GTF2H1: variants seen among roughly 807,000 people sequenced by gnomAD.
The protein encoded by GTF2H1 is BTF2 p62.
Under a neutral mutation model 71.2 loss-of-function variants are expected in GTF2H1, and 16 were observed. The observed-to-expected ratio is 0.22, with a 90% CI of 0.15 to 0.34. The LOEUF (loss-of-function observed/expected upper bound fraction) is 0.34. Among genes scored for constraint, GTF2H1 ranks in the 10% least tolerant of loss-of-function variants. The pLI is 1.00. For missense variants in GTF2H1, 498 were observed against 648.2 expected, an observed-to-expected ratio of 0.77 and a Z score of 2.52; for synonymous variants, 215 against 219.0, an observed-to-expected ratio of 0.98 and a Z score of 0.16.
At chr11:18,339,716 C>T in intron 5 of GTF2H1, 59 bp downstream of exon 5, 1 of 981,728 alleles carries the variant, frequency 1.0e-6, no homozygotes. Context: ...TATAGTATAT[C>T]AGTGAAAAAC....
intron 14 of GTF2H1, among the ~76,000 whole-genome samples, chr11:18,362,782 C>T (rs1306460793): frequency 4.0e-5 from 6 of 150,462 alleles, no homozygotes; most frequent in African/African-American, 9.8e-5. Context: ...GCGATTCTCC[C>T]GCCTCAGCCT....
chr11:18,345,572 C>T (rs1382012609), intron 7 of GTF2H1, among the ~76,000 whole-genome samples: 1 of 149,984 alleles, frequency 6.7e-6, no homozygotes, highest in African/African-American at 2.5e-5. Context: ...GATCTCAGCT[C>T]ACTGCAATCT....
chr11:18,339,480 T>G (rs1865106249), intron 4 of GTF2H1, 84 bp from the exon 5 acceptor site: 1 of 881,650 alleles, frequency 1.1e-6, no homozygotes, highest in Non-Finnish European at 1.8e-6. Flanking sequence ...AATTTTTTTT[T>G]CCACCTTTGT....
chr11:18,340,741 C>A (rs1350061522), intron 5 of GTF2H1, among the ~76,000 whole-genome samples: 1 of 152,128 alleles, frequency 6.6e-6, no homozygotes, highest in African/African-American at 2.4e-5. Flanking sequence ...GATGAGGAAA[C>A]CAGGGTGCAG....
At chr11:18,349,352 G>A (rs959756074) in intron 9 of GTF2H1, among the ~76,000 whole-genome samples, 42 of 152,198 alleles carry the variant, frequency 2.8e-4, no homozygotes, top group Non-Finnish European at 5.6e-4. Context: ...ATACTGTTGG[G>A]CTGAGTACCC....
intron 1 of GTF2H1, among the ~76,000 whole-genome samples, chr11:18,331,593 G>C (rs908573069): frequency 5.9e-5 from 9 of 152,054 alleles, no homozygotes; most frequent in African/African-American, 2.2e-4. Context: ...TTGAACCCAG[G>C]AGGCGAAGGT....
chr11:18,359,330 C>G (rs1865643407), intron 13 of GTF2H1, among the ~76,000 whole-genome samples: 1 of 152,098 alleles, frequency 6.6e-6, no homozygotes, highest in Non-Finnish European at 1.5e-5. Flanking sequence ...TGTTTGAGCC[C>G]AGGAGTTGGA....
chr11:18,341,759 G>C (rs1010026201), intron 7 of GTF2H1, 152 bp downstream of exon 7: 3 of 532,208 alleles, frequency 5.6e-6, no homozygotes, highest in Non-Finnish European at 9.9e-6. Flanking sequence ...CTTTGAAATA[G>C]CGTTGTTTGC....
chr11:18,334,198 T>C (rs1864968469), intron 2 of GTF2H1, among the ~76,000 whole-genome samples: 1 of 152,102 alleles, frequency 6.6e-6, no homozygotes, highest in African/African-American at 2.4e-5. Flanking sequence ...GCTAACACAA[T>C]GAAACCCCAT....
At chr11:18,329,634 C>G (rs1292552332) in intron 1 of GTF2H1, among the ~76,000 whole-genome samples, 1 of 152,192 alleles carries the variant, frequency 6.6e-6, no homozygotes, top group Non-Finnish European at 1.5e-5. Flanking sequence ...CTTAACCATC[C>G]AACCTCATAT....
chr11:18,326,040 C>G (rs1864756765), intron 1 of GTF2H1: 1 of 152,194 alleles, frequency 6.6e-6, no homozygotes, highest in African/African-American at 2.4e-5. Context: ...TACAGTGATT[C>G]TGTTAAACCT....
intron 11 of GTF2H1, among the ~76,000 whole-genome samples, chr11:18,355,384 C>T (rs1370434775): frequency 1.3e-5 from 2 of 152,012 alleles, no homozygotes; most frequent in Non-Finnish European, 2.9e-5. Context: ...ACCTCGTGAT[C>T]CACCCGCCTC....
chr11:18,335,896 G>A lies in GTF2H1; in HGVS notation c.297G>A (p.Leu99=), dbSNP rs148650783. Residue 99 remains leucine, a synonymous_variant, in exon 3 of 15, where the codon CTG becomes CTA. Transcript: ENST00000265963. ...RDAVKDLLQQ[L]LPKFKRKANK... ...CAGTAAAAGACCTTCTTCAGCAGCT[G>A]CTGCCCAAATTCAAGAGGAAAGCAA... The A allele has an allele frequency of 1.4e-5, 22 of 1,614,170 alleles. No homozygotes were observed. In the African/African-American group the frequency reaches 2.8e-4, roughly 21 times the overall value.
At position 18,347,582 on chromosome 11, in the gene GTF2H1, T is replaced by G; in HGVS notation, c.838-6T>G. 1 of 1,583,686 alleles carries G rather than the reference T, an allele frequency of 6.3e-7. No individual in the cohort carries two copies. The highest frequency in any genetic ancestry group is 8.6e-7 in the Non-Finnish European group (1 of 1,166,862). The stretch of plus-strand genomic sequence containing the variant: ...TAAAAAATTTTTAATCTATTATTTC[T>G]CACAGGGCTATGGCATTTCCTCTGT... On this transcript the variant is annotated splice_polypyrimidine_tract_variant and splice_region_variant and intron_variant, in intron 7 of 14. Coordinates refer to ENST00000265963, the MANE Select transcript of GTF2H1 (RefSeq NM_005316.4).
At chr11:18,334,360 C>T (rs4150572) in intron 2 of GTF2H1, among the ~76,000 whole-genome samples, 21,057 of 152,032 alleles carry the variant, frequency 0.14, 1,566 homozygotes, top group African/African-American at 0.19. Context: ...AGTCTGGGTG[C>T]GAGACTCCTT....
intron 1 of GTF2H1, among the ~76,000 whole-genome samples, chr11:18,328,928 G>C (rs1462979089): frequency 6.6e-6 from 1 of 152,076 alleles, no homozygotes; most frequent in African/African-American, 2.4e-5. Flanking sequence ...TTCAAGAAGG[G>C]AAAACTCTCA....
chr11:18,345,977 G>A (rs1051645793), intron 7 of GTF2H1, among the ~76,000 whole-genome samples: 5 of 150,462 alleles, frequency 3.3e-5, no homozygotes, highest in Non-Finnish European at 5.9e-5. Flanking sequence ...TTTTTAGTAC[G>A]GAAAGGATTT....
intron 11 of GTF2H1, among the ~76,000 whole-genome samples, chr11:18,357,647 A>G (rs1444865527): frequency 6.6e-6 from 1 of 152,178 alleles, no homozygotes; most frequent in Non-Finnish European, 1.5e-5. Context: ...CAGTGGTAAG[A>G]GTTCTCATAT....
intron 9 of GTF2H1, 41 bp from the exon 10 acceptor site, chr11:18,351,838 GAA>G: frequency 9.6e-7 from 1 of 1,037,654 alleles, no homozygotes; most frequent in Non-Finnish European, 1.5e-6. Flanking sequence ...TTGTGTAAGA[GAA>G]AGTTGTGACA....
Sources: allele counts gnomAD v4.1 joint callset (sites outside exome capture counted in the v4.1 genomes callset), GRCh38; gene constraint gnomAD v4.1.1; transcripts MANE v1.5; gene names NCBI Gene and HGNC (gene_info 2026-07-23, HGNC 2026-07-21).